The following RNF187 variants were observed in gnomAD, a reference collection of about 807,000 sequenced individuals.
RNF187 encodes ring finger protein 187, also known as E3 ubiquitin-protein ligase RNF187.
Under a neutral mutation model 22.2 loss-of-function variants are expected in RNF187, and 18 were observed. The ratio of observed to expected loss-of-function variants is 0.81; its 90% confidence interval spans 0.56 to 1.20. RNF187 has a LOEUF of 1.20. Ranked by LOEUF, RNF187 falls within the 50% of genes most tolerant of loss-of-function variation. The pLI, the probability that RNF187 is intolerant of heterozygous loss-of-function variation, is 0.00. For missense variants in RNF187, 329 were observed against 317.6 expected (o/e 1.04, Z -0.27); for synonymous variants, 164 against 140.9 (o/e 1.16, Z -1.16).
Position 228,494,125 on chromosome 1 carries a change from T to A in RNF187, c.*240T>A. ...GACCCTTCCCACCTGTGCCCGTCCC[T>A]TCCTGAAGTCCTAGCCACAGCCCAT... On this transcript the variant is annotated 3_prime_UTR_variant, in exon 4 of 4. Transcript: ENST00000305943. 7.0e-7 allele frequency: 1 copy of A among 1,433,846 alleles called. No homozygotes were observed. Among genetic ancestry groups the A allele is most frequent in the Non-Finnish European group, 9.1e-7 (1 of 1,095,208 alleles). The allele number at this position is 1,433,846 out of a possible 1,614,324, so 88.8% of individuals were successfully genotyped here.
At position 228,495,720 on chromosome 1, in the gene RNF187, A is replaced by C; in HGVS notation, c.*1835A>C. 1.0e-6 allele frequency: 1 copy of C among 985,582 alleles called. No individual in the cohort carries two copies. Among genetic ancestry groups the C allele is most frequent in the Non-Finnish European group, 1.2e-6 (1 of 829,932 alleles). 61.1% of individuals were successfully genotyped at this position (985,582 alleles called of 1,614,324 possible). Reference sequence around the variant, plus strand: ...CCAGCAACATCCCACCCTGTCAATCACAACCTCTTTCTATTTAAGAAAATT... The same window carrying C: ...CCAGCAACATCCCACCCTGTCAATCCCAACCTCTTTCTATTTAAGAAAATT... On this transcript the variant is annotated 3_prime_UTR_variant, in exon 4 of 4. Transcript: ENST00000305943.
At chr1:228,490,027 C>T in intron 2 of RNF187, among the ~76,000 whole-genome samples, 2 of 152,228 alleles carry the variant, frequency 1.3e-5, no homozygotes, top group Non-Finnish European at 2.9e-5. Flanking sequence ...GTCGTTTAAA[C>T]TCTATTTGGT....
intron 1 of RNF187, 145 bp downstream of exon 1, chr1:228,488,023 C>T: frequency 2.3e-6 from 1 of 428,718 alleles, no homozygotes; most frequent in Non-Finnish European, 3.3e-6. Flanking sequence ...GTCCCCCTCC[C>T]CTCACCGCCA....
In RNF187 at chr1:228,494,082, G is replaced by A; in HGVS notation, c.*197G>A. 6.7e-7 allele frequency: 1 copy of A among 1,484,278 alleles called. No homozygotes were observed. The highest frequency in any genetic ancestry group is 8.9e-7 in the Non-Finnish European group (1 of 1,118,572). 91.9% of individuals were successfully genotyped at this position (1,484,278 alleles called of 1,614,324 possible). On this transcript the variant is annotated 3_prime_UTR_variant, in exon 4 of 4. Transcript: ENST00000305943. Reference sequence around the variant, plus strand: ...TTTTGGGGGCTGCAAACACCTCCCGGTAGAGGCTGGACCTGAGGACCCTTC... The same window carrying A: ...TTTTGGGGGCTGCAAACACCTCCCGATAGAGGCTGGACCTGAGGACCCTTC...
chr1:228,493,460 T>G lies in RNF187; in HGVS notation c.705+186T>G. Reference sequence around the variant, plus strand: ...CAGGGAAGGTGATGGGAAGGGGTTTTAAGTTGAGGAGGGTCTGAGGTGTCC... The same window carrying G: ...CAGGGAAGGTGATGGGAAGGGGTTTGAAGTTGAGGAGGGTCTGAGGTGTCC... On this transcript the variant is annotated intron_variant, in intron 3 of 3. Coordinates refer to ENST00000305943, the MANE Select transcript of RNF187 (RefSeq NM_001010858.3). The surrounding 1 kb of genome is among the most constrained non-coding windows in gnomAD (Gnocchi z 4.7). 6.6e-6 allele frequency among the ~76,000 whole-genome samples: 1 copy of G among 152,174 alleles called. No individual in the cohort carries two copies. The highest frequency in any genetic ancestry group is 2.4e-5 in the African/African-American group (1 of 41,444).
chr1:228,495,522 TCA>T lies in RNF187; in HGVS notation c.*1639_*1640del. On this transcript the variant is annotated 3_prime_UTR_variant, in exon 4 of 4. Coordinates refer to ENST00000305943, the MANE Select transcript of RNF187 (RefSeq NM_001010858.3). ...CCCTGAGACCTCCAGTTTGTCTTTC[TCA>T]CTGTCTCCGCCTGCTGCAGTCTGCT... 1.0e-6 allele frequency: 1 copy of T among 985,512 alleles called. No individual in the cohort carries two copies. The highest frequency in any genetic ancestry group is 1.7e-5 in the African/African-American group (1 of 57,354). The allele number at this position is 985,512 out of a possible 1,614,324, so 61.0% of individuals were successfully genotyped here. A position where few individuals can be genotyped will look rare whatever the true frequency, so the allele number is the denominator to read the frequency against.
chr1:228,493,794 T>TTTCGCTCTCTCC lies in RNF187; in HGVS notation c.706-86_706-75dup. The TTTCGCTCTCTCC allele has an allele frequency of 7.1e-7, 1 of 1,405,086 alleles. No individual in the cohort carries two copies. The highest frequency in any genetic ancestry group is 1.4e-5 in the African/African-American group (1 of 70,110). 87.0% of individuals were successfully genotyped at this position (1,405,086 alleles called of 1,614,324 possible). Reference sequence around the variant, plus strand: ...TGCGCTGTCTCATGTGCGCTCTCTCTTTCGCTCTCTCCTTTTGCCTCTGTC... The same window carrying TTTCGCTCTCTCC: ...TGCGCTGTCTCATGTGCGCTCTCTCTTTCGCTCTCTCCTTCGCTCTCTCCTTTTGCCTCTGTC... On this transcript the variant is annotated intron_variant, in intron 3 of 3. Transcript: ENST00000305943. The surrounding 1 kb of genome is among the most constrained non-coding windows in gnomAD (Gnocchi z 4.7).
At chr1:228,492,150 A>C in intron 2 of RNF187, among the ~76,000 whole-genome samples, 2 of 151,858 alleles carry the variant, frequency 1.3e-5, no homozygotes, top group African/African-American at 2.4e-5. Context: ...TCCTGGGCTC[A>C]AGCGATCGTC....
intron 2 of RNF187, among the ~76,000 whole-genome samples, chr1:228,491,190 GACCAGCCTGGGTAACATAGT>G: frequency 6.6e-6 from 1 of 151,836 alleles, no homozygotes; most frequent in Non-Finnish European, 1.5e-5. Context: ...AGGAGTTCGA[GACCAGCCTGGGTAACATAGT>G]GAGACCACCA....
At chr1:228,488,638 G>C in intron 1 of RNF187, among the ~76,000 whole-genome samples, 1 of 152,366 alleles carries the variant, frequency 6.6e-6, no homozygotes, top group East Asian at 1.9e-4. Context: ...TCCGGCTCAG[G>C]CAGGGCAGGG....
chr1:228,494,310 G>T lies in RNF187; in HGVS notation c.*425G>T. On this transcript the variant is annotated 3_prime_UTR_variant, in exon 4 of 4. Transcript: ENST00000305943. ...CCATTGAGTGTCGGATTTGGGGTTAGCATCCAGAAAGAAGAATGCGCATGA... is the reference window on the plus strand; with the variant it reads ...CCATTGAGTGTCGGATTTGGGGTTATCATCCAGAAAGAAGAATGCGCATGA... The T allele has an allele frequency of 9.2e-7, 1 of 1,090,284 alleles. No homozygotes were observed. 67.5% of individuals were successfully genotyped at this position (1,090,284 alleles called of 1,614,324 possible).
At chr1:228,489,500 G>C in intron 2 of RNF187, among the ~76,000 whole-genome samples, 1 of 152,232 alleles carries the variant, frequency 6.6e-6, no homozygotes, top group East Asian at 1.9e-4. Flanking sequence ...GGGTCTTGCT[G>C]TGTTGCCCAG....
intron 1 of RNF187, 77 bp downstream of exon 1, chr1:228,487,955 C>G: frequency 1.1e-6 from 1 of 907,060 alleles, no homozygotes; most frequent in Non-Finnish European, 1.4e-6. Context: ...TCCCCCTGAG[C>G]CCTGGGCCCT....
chr1:228,488,971 G>T lies in RNF187; in HGVS notation c.402G>T (p.Gly134=), dbSNP rs765128651. 21 of 1,551,194 alleles carry T rather than the reference G, an allele frequency of 1.4e-5. No individual in the cohort carries two copies. The South Asian group carries it at 2.1e-4, about 16-fold the overall frequency. ...TCTTTTCTTTACAGGAGAACAAGGG[G>T]TCTGTGGAAATCATGAGAAAGGACT... The change falls in exon 2 of 4, where the codon GGG becomes GGT. Residue 134 remains glycine, a synonymous_variant. Coordinates refer to ENST00000305943, the MANE Select transcript of RNF187 (RefSeq NM_001010858.3).
chr1:228,488,957 CAGG>C lies in RNF187; in HGVS notation c.391_393del (p.Glu131del), dbSNP rs1658913145. The C allele has an allele frequency of 2.6e-6, 4 of 1,550,754 alleles. No homozygotes were observed. The highest frequency in any genetic ancestry group is 2.0e-5 in the Admixed American group (1 of 50,976). On this transcript the variant is annotated splice_acceptor_variant and coding_sequence_variant, in exon 2 of 4. Coordinates refer to ENST00000305943, the MANE Select transcript of RNF187 (RefSeq NM_001010858.3). LOFTEE classifies it high-confidence loss of function. ...ACCCCTGGTGACCTTCTTTTCTTTA[CAGG>C]AGAACAAGGGGTCTGTGGAAATCAT...
At chr1:228,489,722 G>A in intron 2 of RNF187, among the ~76,000 whole-genome samples, 17 of 152,274 alleles carry the variant, frequency 1.1e-4, no homozygotes, top group Admixed American at 3.3e-4. Flanking sequence ...TTCATAGATG[G>A]TGTCTTCTCA....
chr1:228,489,123 C>CTGCT, intron 2 of RNF187, 71 bp downstream of exon 2: 2 of 1,336,698 alleles, frequency 1.5e-6, no homozygotes, highest in Non-Finnish European at 2.1e-6. Context: ...AAAGGGACCA[C>CTGCT]CAGGCCAAGT....
rs770320092 is a variant in RNF187 at position 228,487,803 on chromosome 1, C to T, written c.315C>T (p.Cys105=). The T allele has an allele frequency of 1.0e-4, 118 of 1,155,414 alleles. No homozygotes were observed. The African/African-American group carries it at 1.8e-3, about 18-fold the overall frequency. 71.6% of individuals were successfully genotyped at this position (1,155,414 alleles called of 1,614,324 possible). Residue 105 remains cysteine, a synonymous_variant, in exon 1 of 4, where the codon TGC becomes TGT. Transcript: ENST00000305943. ...GCCGCGCCGACGCCGGCCCGCTCTG[C>T]GCCGCCTGCCGTATGGCTGCGGGCC...
chr1:228,493,325 G>C lies in RNF187; in HGVS notation c.705+51G>C. The C allele has an allele frequency of 1.1e-5, 16 of 1,511,812 alleles. No homozygotes were observed. The South Asian group carries it at 2.0e-4, about 19-fold the overall frequency. 93.6% of individuals were successfully genotyped at this position (1,511,812 alleles called of 1,614,324 possible). ...CACCATCGGGCCAGGGTGGACGCAGGCAGCAGCGAGCCATTGGGGGACCAT... is the reference window on the plus strand; with the variant it reads ...CACCATCGGGCCAGGGTGGACGCAGCCAGCAGCGAGCCATTGGGGGACCAT... On this transcript the variant is annotated intron_variant, in intron 3 of 3. Coordinates refer to ENST00000305943, the MANE Select transcript of RNF187 (RefSeq NM_001010858.3). This position sits in a 1 kb window ranked among gnomAD's most constrained non-coding sequence, Gnocchi z 4.7.
Sources: allele counts gnomAD v4.1 joint callset (sites outside exome capture counted in the v4.1 genomes callset), GRCh38; gene constraint gnomAD v4.1.1; non-coding constraint Gnocchi (gnomAD v3.1); transcripts MANE v1.5; gene names NCBI Gene and HGNC (gene_info 2026-07-23, HGNC 2026-07-21).